EXOC6: variants seen among roughly 807,000 people sequenced by gnomAD.
The protein encoded by EXOC6 is SEC15-like 1.
EXOC6 carries 60 observed loss-of-function variants against 112.5 expected under a neutral mutation model. The observed-to-expected ratio is 0.53, with a 90% confidence interval of 0.43 to 0.66. EXOC6 has a LOEUF of 0.66. Ranked by LOEUF, EXOC6 falls within the 30% of genes least tolerant of loss-of-function variation. The pLI, the probability that EXOC6 is intolerant of heterozygous loss-of-function variation, is 0.00. For synonymous variants in EXOC6, 295 were observed against 308.0 expected (o/e 0.96, Z 0.44); for missense variants, 855 against 957.1 (o/e 0.89, Z 1.41).
At chr10:92,860,388 T>C (rs1431795348) in intron 1 of EXOC6, among the ~76,000 whole-genome samples, 1 of 148,798 alleles carries the variant, frequency 6.7e-6, no homozygotes, top group Admixed American at 6.8e-5. Flanking sequence ...CAATTCTGCC[T>C]CAGCCTCCTG....
In EXOC6 at chr10:92,988,800, T is replaced by TACACACACACACACACACACACAC. The variant is rs67242778; in HGVS notation, c.1954-8657_1954-8634dup. ...GACAAAACCCCATCTCTACAAAAAA[T>TACACACACACACACACACACACAC]ACACACACACACACACACACACACA... On this transcript the variant is annotated intron_variant, in intron 18 of 21. Transcript: ENST00000260762. Among the ~76,000 whole-genome samples, 112 of 143,084 alleles carry TACACACACACACACACACACACAC rather than the reference T, an allele frequency of 7.8e-4. 1 individual carries two copies. Among genetic ancestry groups the TACACACACACACACACACACACAC allele is most frequent in the African/African-American group, 2.8e-3 (109 of 38,964 alleles). 93.9% of individuals were successfully genotyped at this position (143,084 alleles called of 152,430 possible).
At chr10:92,889,125 G>A (rs1849370104) in intron 1 of EXOC6, among the ~76,000 whole-genome samples, 1 of 152,114 alleles carries the variant, frequency 6.6e-6, no homozygotes, top group African/African-American at 2.4e-5. Context: ...TTTGATATTT[G>A]TATCTAGTAC....
intron 12 of EXOC6, among the ~76,000 whole-genome samples, chr10:92,936,586 C>G (rs1212540618): frequency 6.6e-6 from 1 of 152,178 alleles, no homozygotes; most frequent in East Asian, 1.9e-4. Context: ...GAGCGAGACT[C>G]CATCTCAAAA....
intron 18 of EXOC6, among the ~76,000 whole-genome samples, chr10:92,981,420 AT>A (rs1201281995): frequency 2.0e-5 from 3 of 152,210 alleles, no homozygotes; most frequent in Non-Finnish European, 4.4e-5. Context: ...AAGGTAGTTT[AT>A]TGATTTACCG....
upstream of EXOC6, among the ~76,000 whole-genome samples, chr10:92,845,699 G>A (rs1013907198): frequency 6.6e-6 from 1 of 151,996 alleles, no homozygotes; most frequent in African/African-American, 2.4e-5. Flanking sequence ...AACACTTTAG[G>A]AGGCCGAGGC....
In EXOC6 at chr10:92,973,996, A is replaced by G. The variant is rs556791265; in HGVS notation, c.1774-57A>G. The G allele has an allele frequency of 3.2e-3, 4,234 of 1,308,154 alleles. 15 individuals carry two copies. The highest frequency in any genetic ancestry group is 3.6e-3 in the Non-Finnish European group (3,458 of 952,178). 81.0% of individuals were successfully genotyped at this position (1,308,154 alleles called of 1,614,324 possible). On this transcript the variant is annotated intron_variant, in intron 17 of 21. Coordinates refer to ENST00000260762, the MANE Select transcript of EXOC6 (RefSeq NM_019053.6). ...ATGTAAAATAATATCTAGAATTGTA[A>G]GAACACTTGTTTTATTATCTGTTTC...
At chr10:92,911,597 AC>A (rs1182950465) in intron 6 of EXOC6, among the ~76,000 whole-genome samples, 5 of 152,196 alleles carry the variant, frequency 3.3e-5, no homozygotes, top group African/African-American at 1.2e-4. Flanking sequence ...TTTAAGATTT[AC>A]AAAAATTTAT....
intron 19 of EXOC6, among the ~76,000 whole-genome samples, chr10:93,003,364 T>G (rs1368172115): frequency 6.6e-6 from 1 of 152,154 alleles, no homozygotes; most frequent in African/African-American, 2.4e-5. Flanking sequence ...GTACTTTTTG[T>G]TTTTGTTCGT....
At chr10:92,931,054 G>C (rs1374986921) in intron 9 of EXOC6, among the ~76,000 whole-genome samples, 1 of 139,830 alleles carries the variant, frequency 7.2e-6, no homozygotes, top group African/African-American at 2.7e-5. Context: ...GGAGGTTGCA[G>C]TGAACTGAGA....
At chr10:93,017,503 C>T (rs1470819322) in intron 20 of EXOC6, among the ~76,000 whole-genome samples, 2 of 152,006 alleles carry the variant, frequency 1.3e-5, no homozygotes, top group South Asian at 2.1e-4. Flanking sequence ...GCAGGGGAAT[C>T]GCTTGAACCT....
chr10:92,848,012 G>C (rs942760687), upstream of EXOC6, among the ~76,000 whole-genome samples: 51 of 151,932 alleles, frequency 3.4e-4, no homozygotes, highest in African/African-American at 1.0e-3. Flanking sequence ...ATCTTTATTC[G>C]TTCCTAAAAT....
chr10:92,911,272 G>GTC (rs1850747034), intron 6 of EXOC6, among the ~76,000 whole-genome samples: 1 of 151,978 alleles, frequency 6.6e-6, no homozygotes, highest in African/African-American at 2.4e-5. Context: ...CTTACTGGTT[G>GTC]TCTCTGGTCA....
intron 1 of EXOC6, among the ~76,000 whole-genome samples, chr10:92,886,433 G>A (rs1849220553): frequency 6.6e-6 from 1 of 152,150 alleles, no homozygotes; most frequent in Non-Finnish European, 1.5e-5. Flanking sequence ...CACCTGATGG[G>A]TGCAACAGTG....
chr10:92,887,194 A>T lies in EXOC6; in HGVS notation c.102-6155A>T, dbSNP rs141408770. On this transcript the variant is annotated intron_variant, in intron 1 of 21. Transcript: ENST00000260762. Reference sequence around the variant, plus strand: ...CATACTGTGTCAAGAGATTCTTGGGATAAGAGTAGCTTTTGTTTTTTTCCT... The same window carrying T: ...CATACTGTGTCAAGAGATTCTTGGGTTAAGAGTAGCTTTTGTTTTTTTCCT... Among the ~76,000 whole-genome samples the T allele has an allele frequency of 1.9e-3, 293 of 152,256 alleles. 1 individual carries two copies. Among genetic ancestry groups the T allele is most frequent in the African/African-American group, 6.9e-3 (287 of 41,544 alleles).
At chr10:92,957,493 A>G (rs1278282881) in intron 17 of EXOC6, among the ~76,000 whole-genome samples, 5 of 152,190 alleles carry the variant, frequency 3.3e-5, no homozygotes, top group Non-Finnish European at 5.9e-5. Context: ...CTGGTTCATC[A>G]TTCCAGAGTT....
rs1435185474 is a variant in EXOC6 at position 93,058,333 on chromosome 10, A to G, written c.2393A>G (p.Asn798Ser). The G allele has an allele frequency of 6.2e-7, 1 of 1,611,642 alleles. No individual in the cohort carries two copies. The change falls in exon 22 of 22, where the codon AAT (asparagine) becomes AGT (serine). Residue 798 changes from asparagine to serine, a missense_variant. Coordinates refer to ENST00000260762, the MANE Select transcript of EXOC6 (RefSeq NM_019053.6). ...GTGAAACAGCTGAGAAGTTTGGTGA[A>G]TGGTATGTCCCAGCACATGTAGACC... is the stretch of plus-strand genomic sequence containing the variant. Reference protein sequence around the residue: ...TVVKQLRSLVNGMSQHM With the variant: ...TVVKQLRSLVSGMSQHM
In EXOC6 at chr10:92,915,918, T is replaced by TA; in HGVS notation, c.819+6dup. ...GAGGATGAGAATGAAGAAGAGGTGA[T>TA]AGGTGTCTTTCTTTCTTTTCTATTA... On this transcript the variant is annotated splice_donor_region_variant and intron_variant, in intron 7 of 21. Coordinates refer to ENST00000260762, the MANE Select transcript of EXOC6 (RefSeq NM_019053.6). 6.6e-7 allele frequency: 1 copy of TA among 1,509,646 alleles called. No individual in the cohort carries two copies. Among genetic ancestry groups the TA allele is most frequent in the Non-Finnish European group, 8.8e-7 (1 of 1,136,118 alleles). 93.5% of individuals were successfully genotyped at this position (1,509,646 alleles called of 1,614,324 possible). A position where few individuals can be genotyped will look rare whatever the true frequency, so the allele number is the denominator to read the frequency against.
intron 17 of EXOC6, among the ~76,000 whole-genome samples, chr10:92,961,741 A>C (rs1854015570): frequency 6.6e-6 from 1 of 150,922 alleles, no homozygotes; most frequent in African/African-American, 2.4e-5. Context: ...AGTTAATTAT[A>C]GAAAATGCCA....
intron 17 of EXOC6, among the ~76,000 whole-genome samples, chr10:92,971,568 G>T (rs895171269): frequency 5.3e-5 from 8 of 151,642 alleles, no homozygotes; most frequent in Non-Finnish European, 1.2e-4. Context: ...TAGAGATGGG[G>T]TCTCACCATG....
Sources: gnomAD v4.1 joint callset for allele counts (sites outside exome capture counted in the v4.1 genomes callset) on GRCh38, gnomAD v4.1.1 for gene constraint, MANE v1.5 for transcripts, NCBI Gene and HGNC (gene_info 2026-07-23, HGNC 2026-07-21) for gene names.